Variants in LHFPL4 observed in about 807,000 individuals in gnomAD.
The protein encoded by LHFPL4 is LHFPL tetraspan subfamily member 4 protein.
In LHFPL4, 6 loss-of-function variants were observed where a neutral mutation model predicts 20.0. The observed-to-expected ratio is 0.30, with a 90% CI of 0.16 to 0.59. The LOEUF (loss-of-function observed/expected upper bound fraction) is 0.59. LHFPL4 is among the 20% of genes least tolerant of loss of function. The pLI is 0.88. For synonymous variants in LHFPL4, 129 were observed against 143.8 expected (o/e 0.90, Z 0.74); for missense variants, 215 against 331.2 (o/e 0.65, Z 2.72).
intron 2 of LHFPL4, among the ~76,000 whole-genome samples, chr3:9,526,066 A>C (rs1040263471): frequency 2.0e-5 from 3 of 152,250 alleles, no homozygotes; most frequent in Non-Finnish European, 4.4e-5. Flanking sequence ...AAATTCTGAC[A>C]CATGATACAA....
intron 2 of LHFPL4, among the ~76,000 whole-genome samples, chr3:9,527,415 T>A (rs553678512): frequency 1.6e-3 from 242 of 151,436 alleles, no homozygotes; most frequent in Non-Finnish European, 2.8e-3. Flanking sequence ...CTAAAAAAAA[T>A]AATAATAATA....
chr3:9,524,713 G>C (rs1372854696), intron 2 of LHFPL4, among the ~76,000 whole-genome samples: 2 of 152,054 alleles, frequency 1.3e-5, no homozygotes, highest in African/African-American at 4.8e-5. Context: ...TAAATTCCTG[G>C]TCTGATAATT....
chr3:9,514,089 C>T (rs1055429812), intron 2 of LHFPL4, among the ~76,000 whole-genome samples: 1 of 152,026 alleles, frequency 6.6e-6, no homozygotes, highest in Non-Finnish European at 1.5e-5. Flanking sequence ...AGTATTAATC[C>T]ATTTGATTGA....
chr3:9,502,314 AAGAGAG>A lies in LHFPL4; in HGVS notation c.644-9_644-4del, dbSNP rs748612761. The A allele has an allele frequency of 6.9e-5, 105 of 1,520,878 alleles. No homozygotes were observed. The highest frequency in any genetic ancestry group is 5.1e-4 in the Middle Eastern group (3 of 5,834). 94.2% of individuals were successfully genotyped at this position (1,520,878 alleles called of 1,614,324 possible). ...GCTTACTGTAGAGCCCACAAAATCT[AAGAGAG>A]AGAGAGAGAGAGAGAAGGAGAGAGA... On this transcript the variant is annotated splice_polypyrimidine_tract_variant and splice_region_variant and intron_variant, in intron 3 of 3. Coordinates refer to ENST00000287585, the MANE Select transcript of LHFPL4 (RefSeq NM_198560.3).
intron 2 of LHFPL4, among the ~76,000 whole-genome samples, chr3:9,524,069 T>C (rs2046358659): frequency 6.6e-6 from 1 of 150,624 alleles, no homozygotes; most frequent in African/African-American, 2.4e-5. Context: ...TTATCTTTGC[T>C]TTTCTATAGG....
intron 2 of LHFPL4, among the ~76,000 whole-genome samples, chr3:9,530,531 G>C (rs1227209676): frequency 6.6e-6 from 1 of 152,124 alleles, no homozygotes; most frequent in East Asian, 1.9e-4. Flanking sequence ...TGCTGTGCTG[G>C]TTTGATCTTC....
intron 2 of LHFPL4, among the ~76,000 whole-genome samples, chr3:9,527,576 A>T (rs561103642): frequency 2.1e-4 from 32 of 151,988 alleles, no homozygotes; most frequent in African/African-American, 7.7e-4. Flanking sequence ...GGCATGGTAC[A>T]AGCGCCTGTA....
chr3:9,523,864 T>C (rs560738952), intron 2 of LHFPL4, among the ~76,000 whole-genome samples: 1 of 152,328 alleles, frequency 6.6e-6, no homozygotes, highest in Non-Finnish European at 1.5e-5. Context: ...TGAACACTTC[T>C]TGCAAAGCAG....
At chr3:9,524,677 T>G (rs2046362121) in intron 2 of LHFPL4, among the ~76,000 whole-genome samples, 2 of 152,242 alleles carry the variant, frequency 1.3e-5, no homozygotes, top group Admixed American at 6.5e-5. Context: ...TCAGAGCCAT[T>G]GCAATATTAA....
intron 2 of LHFPL4, among the ~76,000 whole-genome samples, chr3:9,538,573 G>A (rs137890027): frequency 9.2e-5 from 14 of 152,234 alleles, no homozygotes; most frequent in Non-Finnish European, 1.9e-4. Flanking sequence ...CTTCAACAGC[G>A]CCATGAGGCA....
intron 2 of LHFPL4, among the ~76,000 whole-genome samples, chr3:9,533,456 T>C (rs1236512428): frequency 6.6e-6 from 1 of 152,188 alleles, no homozygotes; most frequent in Non-Finnish European, 1.5e-5. Context: ...TCCATTTATA[T>C]ACATTTCAAA....
At chr3:9,510,226 G>A (rs1400637206) in intron 2 of LHFPL4, among the ~76,000 whole-genome samples, 1 of 152,056 alleles carries the variant, frequency 6.6e-6, no homozygotes, top group Non-Finnish European at 1.5e-5. Flanking sequence ...CGAGGTGGGA[G>A]GATCACTTGA....
At chr3:9,525,763 G>A (rs1477386816) in intron 2 of LHFPL4, among the ~76,000 whole-genome samples, 1 of 152,086 alleles carries the variant, frequency 6.6e-6, no homozygotes, top group Non-Finnish European at 1.5e-5. Flanking sequence ...GTGCTTATAC[G>A]TTTGAAAAAA....
intron 2 of LHFPL4, among the ~76,000 whole-genome samples, chr3:9,518,799 C>G (rs1294071799): frequency 6.8e-6 from 1 of 147,730 alleles, no homozygotes; most frequent in Non-Finnish European, 1.5e-5. Flanking sequence ...GAGTCTCACT[C>G]TGTCACCTAG....
chr3:9,517,811 T>TG (rs1559517272), intron 2 of LHFPL4, among the ~76,000 whole-genome samples: 2 of 149,714 alleles, frequency 1.3e-5, no homozygotes, highest in African/African-American at 4.9e-5. Flanking sequence ...GTTTTTTGTT[T>TG]TTTTTTTTTT....
At position 9,547,222 on chromosome 3, in the gene LHFPL4, C is replaced by T. The variant is rs373695094; in HGVS notation, c.406+5052G>A. Among the ~76,000 whole-genome samples, 23 of 152,340 alleles carry T rather than the reference C, an allele frequency of 1.5e-4. No homozygotes were observed. The East Asian group carries it at 1.5e-3, about 10-fold the overall frequency. On this transcript the variant is annotated intron_variant, in intron 2 of 3. Coordinates refer to ENST00000287585, the MANE Select transcript of LHFPL4 (RefSeq NM_198560.3). ...CAGGCTGGTCTCAAACTCCTAGACT[C>T]AAGCAACCCTTCTGCCTCAGCCTTC...
At chr3:9,531,635 C>G (rs1479359150) in intron 2 of LHFPL4, among the ~76,000 whole-genome samples, 1 of 152,134 alleles carries the variant, frequency 6.6e-6, no homozygotes, top group Non-Finnish European at 1.5e-5. Flanking sequence ...AACCCCGTCT[C>G]TACTAAAAAT....
intron 2 of LHFPL4, among the ~76,000 whole-genome samples, chr3:9,517,241 G>C (rs1016536241): frequency 2.3e-4 from 35 of 152,204 alleles, no homozygotes; most frequent in African/African-American, 8.2e-4. Context: ...AATATGGACA[G>C]AATAACTTGC....
intron 3 of LHFPL4, 114 bp downstream of exon 3, chr3:9,505,853 C>T (rs2046214497): frequency 5.7e-6 from 6 of 1,046,926 alleles, no homozygotes; most frequent in Non-Finnish European, 7.2e-6. Context: ...GCCACCACGC[C>T]CAGCCAGGGT....
Sources: allele counts gnomAD v4.1 joint callset (sites outside exome capture counted in the v4.1 genomes callset), GRCh38; gene constraint gnomAD v4.1.1; transcripts MANE v1.5; gene names NCBI Gene and HGNC (gene_info 2026-07-23, HGNC 2026-07-21).